Variants in CADM1 observed in about 807,000 individuals in gnomAD.
CADM1 encodes cell adhesion molecule 1, also known as TSLC-1.
CADM1 carries 15 observed loss-of-function variants against 53.1 expected under a neutral mutation model. That is an observed-to-expected ratio of 0.28 (90% confidence interval 0.19 to 0.44). CADM1 has a LOEUF of 0.44. Among genes scored for constraint, CADM1 ranks in the 20% least tolerant of loss-of-function variants. The pLI, the probability that CADM1 is intolerant of heterozygous loss-of-function variation, is 1.00. For missense variants in CADM1, 434 were observed against 611.3 expected (o/e 0.71, Z 3.06); for synonymous variants, 281 against 243.0 (o/e 1.16, Z -1.45).
chr11:115,364,264 T>C (rs1946102126), intron 1 of CADM1, among the ~76,000 whole-genome samples: 1 of 152,212 alleles, frequency 6.6e-6, no homozygotes, highest in South Asian at 2.1e-4. Flanking sequence ...AAACCTCTTT[T>C]CTAAGGCCAA....
intron 1 of CADM1, among the ~76,000 whole-genome samples, chr11:115,428,808 C>T (rs994513218): frequency 1.3e-4 from 19 of 151,676 alleles, no homozygotes; most frequent in African/African-American, 3.1e-4. Context: ...TACGTGTGTG[C>T]GCATATGAGC....
chr11:115,465,718 C>T (rs1185857513), intron 1 of CADM1, among the ~76,000 whole-genome samples: 3 of 152,162 alleles, frequency 2.0e-5, no homozygotes, highest in Admixed American at 6.5e-5. Flanking sequence ...AGACTTACTT[C>T]AGAATCTGCC....
intron 1 of CADM1, among the ~76,000 whole-genome samples, chr11:115,299,142 T>TG (rs143802478): frequency 0.019 from 2,850 of 152,318 alleles, 97 homozygotes; most frequent in African/African-American, 0.064. Context: ...CATGAAAGAC[T>TG]GGGCCTGACT....
intron 1 of CADM1, among the ~76,000 whole-genome samples, chr11:115,491,053 T>C (rs1185933003): frequency 1.3e-5 from 2 of 152,096 alleles, no homozygotes; most frequent in African/African-American, 4.8e-5. Context: ...AAAGACATCT[T>C]GGTTGTGCAC....
chr11:115,347,322 A>C (rs935291469), intron 1 of CADM1, among the ~76,000 whole-genome samples: 1 of 152,106 alleles, frequency 6.6e-6, no homozygotes, highest in Admixed American at 6.5e-5. Context: ...CAATAACTTA[A>C]TGAGACTGAC....
chr11:115,406,272 A>G (rs1036550215), intron 1 of CADM1, among the ~76,000 whole-genome samples: 26 of 152,032 alleles, frequency 1.7e-4, no homozygotes, highest in African/African-American at 5.8e-4. Flanking sequence ...TCTATTCAGA[A>G]AAATTTTAAC....
At chr11:115,277,769 A>G (rs960007959) in intron 1 of CADM1, among the ~76,000 whole-genome samples, 1 of 152,174 alleles carries the variant, frequency 6.6e-6, no homozygotes, top group African/African-American at 2.4e-5. Flanking sequence ...ACCAAAAAGA[A>G]TAAACTGCAT....
At position 115,448,098 on chromosome 11, in the gene CADM1, A is replaced by G. The variant is rs1948492519; in HGVS notation, c.124+56173T>C. ...TCCTCTCTCGACTGCACACAGATTA[A>G]TACAGTTTTCTAGACCAGTGCCTGG... On this transcript the variant is annotated intron_variant, in intron 1 of 11. Transcript: ENST00000331581. Among the ~76,000 whole-genome samples the G allele has an allele frequency of 3.3e-5, 5 of 152,268 alleles. No individual in the cohort carries two copies. In the South Asian group the frequency reaches 1.0e-3, roughly 32 times the overall value.
intron 1 of CADM1, among the ~76,000 whole-genome samples, chr11:115,313,991 T>C (rs1357984486): frequency 3.3e-5 from 5 of 152,250 alleles, no homozygotes; most frequent in Non-Finnish European, 5.9e-5. Flanking sequence ...CTCTCTATCC[T>C]CACTAACACA....
At position 115,174,584 on chromosome 11, in the gene CADM1, T is replaced by TAA; in HGVS notation, c.*1888_*1889dup. ...ATATTGCAATGGTTCTATCAAAGGTTAAAATAAAGACAAGAAAAATAAACA... is the reference window on the plus strand; with the variant it reads ...ATATTGCAATGGTTCTATCAAAGGTTAAAAAATAAAGACAAGAAAAATAAACA... On this transcript the variant is annotated 3_prime_UTR_variant, in exon 12 of 12. Coordinates refer to ENST00000331581, the MANE Select transcript of CADM1 (RefSeq NM_001301043.2). 8.1e-6 allele frequency: 8 copies of TAA among 984,840 alleles called. No homozygotes were observed. The highest frequency in any genetic ancestry group is 9.6e-6 in the Non-Finnish European group (8 of 829,098). 61.0% of individuals were successfully genotyped at this position (984,840 alleles called of 1,614,324 possible).
chr11:115,336,393 C>T (rs929116589), intron 1 of CADM1, among the ~76,000 whole-genome samples: 3 of 152,072 alleles, frequency 2.0e-5, no homozygotes, highest in Admixed American at 2.0e-4. Context: ...CTGCACTTTG[C>T]GAAACATGCT....
rs564093195 is a variant in CADM1 at position 115,335,266 on chromosome 11, G to A, written c.125-94846C>T. On this transcript the variant is annotated intron_variant, in intron 1 of 11. Coordinates refer to ENST00000331581, the MANE Select transcript of CADM1 (RefSeq NM_001301043.2). ...TGAATCCACTTAATAAACCCATCGC[G>A]TGTTAACACAAAGGACATGTTTTTG... Among the ~76,000 whole-genome samples, 17 of 152,164 alleles carry A rather than the reference G, an allele frequency of 1.1e-4. No homozygotes were observed. In the South Asian group the frequency reaches 3.3e-3, roughly 30 times the overall value.
chr11:115,440,567 C>T (rs1453159011), intron 1 of CADM1, among the ~76,000 whole-genome samples: 2 of 152,142 alleles, frequency 1.3e-5, no homozygotes, highest in Admixed American at 6.5e-5. Context: ...AACTGTTCCT[C>T]CTCATATATA....
intron 1 of CADM1, among the ~76,000 whole-genome samples, chr11:115,243,743 T>C (rs753774571): frequency 2.6e-4 from 40 of 152,154 alleles, no homozygotes; most frequent in Admixed American, 7.9e-4. Context: ...AAAACACAAT[T>C]TGATGTGTAG....
chr11:115,383,819 A>T (rs1946635773), intron 1 of CADM1, among the ~76,000 whole-genome samples: 1 of 152,178 alleles, frequency 6.6e-6, no homozygotes, highest in African/African-American at 2.4e-5. Flanking sequence ...GCTGATCTTT[A>T]TTCTGGTTCT....
At chr11:115,397,047 T>C (rs1947018246) in intron 1 of CADM1, 1 of 152,250 alleles carries the variant, frequency 6.6e-6, no homozygotes, top group Middle Eastern at 3.4e-3. Context: ...AGCCTCGTTA[T>C]GTTCAATAAT....
intron 1 of CADM1, among the ~76,000 whole-genome samples, chr11:115,316,263 G>A (rs1944664125): frequency 6.6e-6 from 1 of 152,176 alleles, no homozygotes; most frequent in Non-Finnish European, 1.5e-5. Flanking sequence ...AATCAAGTCA[G>A]CTAGAAACAT....
intron 1 of CADM1, among the ~76,000 whole-genome samples, chr11:115,383,302 A>C (rs1488736818): frequency 1.3e-5 from 2 of 152,240 alleles, no homozygotes; most frequent in Non-Finnish European, 2.9e-5. Flanking sequence ...GTACAAAAGG[A>C]GAATATTCAA....
chr11:115,314,066 C>G (rs1944596032), intron 1 of CADM1, among the ~76,000 whole-genome samples: 2 of 152,164 alleles, frequency 1.3e-5, no homozygotes, highest in South Asian at 4.1e-4. Flanking sequence ...ATGTTCTCAA[C>G]TGACTAGTCA....
Sources: allele counts gnomAD v4.1 joint callset (sites outside exome capture counted in the v4.1 genomes callset), GRCh38; gene constraint gnomAD v4.1.1; transcripts MANE v1.5; gene names NCBI Gene and HGNC (gene_info 2026-07-23, HGNC 2026-07-21).